SLC44A1: variants seen among roughly 807,000 people sequenced by gnomAD.
SLC44A1 encodes choline transporter-like protein 1.
A neutral mutation model predicts 79.3 loss-of-function variants in SLC44A1; 26 were observed. That is an observed-to-expected ratio of 0.33 (90% confidence interval 0.24 to 0.46). The LOEUF (loss-of-function observed/expected upper bound fraction) is 0.46, where lower values mean the gene tolerates loss of function less well. Ranked by LOEUF, SLC44A1 falls within the 20% of genes least tolerant of loss-of-function variation. The probability of loss-of-function intolerance (pLI) is 1.00; values close to 1 mark genes in which losing one functional copy is unlikely to be tolerated. For missense variants in SLC44A1, 688 were observed against 798.1 expected, an observed-to-expected ratio of 0.86 and a Z score of 1.66; for synonymous variants, 263 against 286.2, an observed-to-expected ratio of 0.92 and a Z score of 0.82.
intron 13 of SLC44A1, among the ~76,000 whole-genome samples, chr9:105,382,272 TA>T (rs560037485): frequency 4.4e-4 from 67 of 152,298 alleles, no homozygotes; most frequent in South Asian, 2.1e-3. Context: ...TTCATAGGGT[TA>T]TTGAAAAGCT....
chr9:105,361,205 C>T lies in SLC44A1; in HGVS notation c.775C>T (p.Leu259=), dbSNP rs761530844. 6.2e-7 allele frequency: 1 copy of T among 1,614,058 alleles called. No homozygotes were observed. The highest frequency in any genetic ancestry group is 8.5e-7 in the Non-Finnish European group (1 of 1,179,908). Residue 259 remains leucine (L), a synonymous_variant, in exon 8 of 16, where the codon CTA becomes TTA. Coordinates refer to ENST00000374720, the MANE Select transcript of SLC44A1 (RefSeq NM_080546.5). ...TTTGTCTCCAGGAGGCACAGGTGTA[C>T]TATGGTGGCTGTATGCAAAGCAAAG... The part of the protein sequence containing the change: ...ILGSLGGTGV[L]WWLYAKQRRS...
chr9:105,400,119 C>T (rs1485175096), downstream of SLC44A1, among the ~76,000 whole-genome samples: 2 of 150,246 alleles, frequency 1.3e-5, no homozygotes, highest in Non-Finnish European at 1.5e-5. Context: ...TGCTTGAACC[C>T]GGGAGGCATA....
At chr9:105,304,041 G>C (rs539264037) in intron 2 of SLC44A1, among the ~76,000 whole-genome samples, 48 of 152,286 alleles carry the variant, frequency 3.2e-4, no homozygotes, top group African/African-American at 1.2e-3. Context: ...TGGACATGTA[G>C]AATTTGTGAG....
chr9:105,273,539 T>G (rs1435700160), intron 1 of SLC44A1, among the ~76,000 whole-genome samples: 1 of 152,224 alleles, frequency 6.6e-6, no homozygotes, highest in Non-Finnish European at 1.5e-5. Flanking sequence ...ACATGTAAAC[T>G]CAGGATGCTG....
intron 3 of SLC44A1, among the ~76,000 whole-genome samples, chr9:105,314,693 A>G (rs1363080011): frequency 6.6e-5 from 10 of 152,230 alleles, no homozygotes; most frequent in African/African-American, 2.4e-4. Context: ...GTAAAGAACT[A>G]GAGGTCTGCG....
At chr9:105,404,364 G>C (rs563885776) in intron 15 of SLC44A1, among the ~76,000 whole-genome samples, 3 of 152,082 alleles carry the variant, frequency 2.0e-5, no homozygotes, top group Non-Finnish European at 2.9e-5. Flanking sequence ...GGAGTGAAGC[G>C]TGAATCTCCA....
chr9:105,392,314 A>G lies in SLC44A1; in HGVS notation c.*3258A>G, dbSNP rs985604685. 5.1e-6 allele frequency: 5 copies of G among 983,858 alleles called. No individual in the cohort carries two copies. Among genetic ancestry groups the G allele is most frequent in the Non-Finnish European group, 6.0e-6 (5 of 829,436 alleles). The allele number at this position is 983,858 out of a possible 1,614,324, so 60.9% of individuals were successfully genotyped here. On this transcript the variant is annotated 3_prime_UTR_variant, in exon 16 of 16. Coordinates refer to ENST00000374720, the MANE Select transcript of SLC44A1 (RefSeq NM_080546.5). ...ATGTTGGTACCCAAACTTTTTCTAT[A>G]ATGGTTAAGGAGGAGGCACTTACTG...
intron 4 of SLC44A1, among the ~76,000 whole-genome samples, chr9:105,339,447 T>G (rs887306600): frequency 6.6e-6 from 1 of 152,230 alleles, no homozygotes; most frequent in Admixed American, 6.5e-5. Context: ...AAAGAGATAT[T>G]TGCACAATCA....
chr9:105,415,557 C>G (rs755276398), intron 15 of SLC44A1, among the ~76,000 whole-genome samples: 1 of 152,174 alleles, frequency 6.6e-6, no homozygotes, highest in Non-Finnish European at 1.5e-5. Flanking sequence ...AGAGGGCAGC[C>G]ATAGTACATG....
chr9:105,244,981 C>G (rs1156322111), intron 1 of SLC44A1, 77 bp downstream of exon 1: 2 of 651,876 alleles, frequency 3.1e-6, no homozygotes, highest in South Asian at 7.3e-5. Context: ...GCCCGCCGCC[C>G]GATACCTCTC....
At chr9:105,304,772 C>A (rs1217115516) in intron 2 of SLC44A1, among the ~76,000 whole-genome samples, 1 of 151,960 alleles carries the variant, frequency 6.6e-6, no homozygotes, top group Non-Finnish European at 1.5e-5. Context: ...TCTTCCTTGT[C>A]TGTGTTCTTT....
intron 5 of SLC44A1, among the ~76,000 whole-genome samples, chr9:105,351,626 G>GAAAA (rs1827436024): frequency 2.6e-4 from 9 of 34,334 alleles, no homozygotes; most frequent in Admixed American, 1.4e-3. Flanking sequence ...AAGAAAGAGA[G>GAAAA]AGAAAGAGAA....
chr9:105,379,137 A>G (rs1335919513), intron 13 of SLC44A1, among the ~76,000 whole-genome samples: 1 of 152,100 alleles, frequency 6.6e-6, no homozygotes, highest in Admixed American at 6.6e-5. Context: ...TTTTCCTGGC[A>G]TGGTGGGGTG....
intron 1 of SLC44A1, among the ~76,000 whole-genome samples, chr9:105,295,470 T>C (rs2131280447): frequency 6.6e-6 from 1 of 152,366 alleles, no homozygotes; most frequent in African/African-American, 2.4e-5. Context: ...CTATGCAGAA[T>C]TTTAATTGGA....
chr9:105,308,950 T>C (rs1831105032), intron 2 of SLC44A1, among the ~76,000 whole-genome samples: 5 of 152,212 alleles, frequency 3.3e-5, no homozygotes, highest in African/African-American at 1.2e-4. Context: ...GCAAGCATGA[T>C]GTGCTTCTGA....
intron 1 of SLC44A1, among the ~76,000 whole-genome samples, chr9:105,270,823 G>A (rs1711624332): frequency 6.6e-6 from 1 of 152,108 alleles, no homozygotes; most frequent in African/African-American, 2.4e-5. Flanking sequence ...AACAGTGCCT[G>A]GTCAATGTTT....
chr9:105,426,916 A>G (rs1303598307), intron 15 of SLC44A1, among the ~76,000 whole-genome samples: 1 of 150,852 alleles, frequency 6.6e-6, no homozygotes, highest in African/African-American at 2.5e-5. Flanking sequence ...AATAATTCCT[A>G]TCTTCTGTTT....
At chr9:105,405,665 G>A (rs1328997280) in intron 15 of SLC44A1, among the ~76,000 whole-genome samples, 2 of 152,114 alleles carry the variant, frequency 1.3e-5, no homozygotes, top group South Asian at 2.1e-4. Context: ...AATTGTGGTT[G>A]TGTGTTTTGA....
rs1828710824 is a variant in SLC44A1, at chr9:105,389,509, C to T, written c.*453C>T. 9.5e-7 allele frequency: 1 copy of T among 1,052,124 alleles called. No individual in the cohort carries two copies. 65.2% of individuals were successfully genotyped at this position (1,052,124 alleles called of 1,614,324 possible). A position where few individuals can be genotyped will look rare whatever the true frequency, so the allele number is the denominator to read the frequency against. On this transcript the variant is annotated 3_prime_UTR_variant, in exon 16 of 16. Transcript: ENST00000374720. ...ATCTTATTTTACTGATGCATAAGTC[C>T]TAGTGGGTCAAGACTAGGCATATGC...
Sources: gnomAD v4.1 joint callset for allele counts (sites outside exome capture counted in the v4.1 genomes callset) on GRCh38, gnomAD v4.1.1 for gene constraint, MANE v1.5 for transcripts, NCBI Gene and HGNC (gene_info 2026-07-23, HGNC 2026-07-21) for gene names.